The following PTPRN2 variants were observed in gnomAD, a reference collection of about 807,000 sequenced individuals.
PTPRN2 encodes the protein protein tyrosine phosphatase receptor type N2, also known as receptor-type tyrosine-protein phosphatase N2.
In PTPRN2, 74 loss-of-function variants were observed where a neutral mutation model predicts 118.8. The observed-to-expected ratio is 0.62, with a 90% CI of 0.52 to 0.76. PTPRN2 has a LOEUF of 0.76. PTPRN2 is among the 30% of genes least tolerant of loss of function. The pLI, the probability that PTPRN2 is intolerant of heterozygous loss-of-function variation, is 0.00. For missense variants in PTPRN2, 1,481 were observed against 1,394.4 expected (o/e 1.06, Z -0.99); for synonymous variants, 641 against 608.0 (o/e 1.05, Z -0.80).
chr7:158,524,882 G>T (rs964924741), intron 1 of PTPRN2, among the ~76,000 whole-genome samples: 1 of 152,166 alleles, frequency 6.6e-6, no homozygotes, highest in African/African-American at 2.4e-5. Flanking sequence ...TGGTTGGAAA[G>T]ATCCATGAAT....
At chr7:157,634,906 G>A (rs541279074) in intron 14 of PTPRN2, among the ~76,000 whole-genome samples, 6 of 152,318 alleles carry the variant, frequency 3.9e-5, no homozygotes, top group South Asian at 4.1e-4. Context: ...TGGACACCGC[G>A]TGTGGGAGGA....
At chr7:158,332,069 A>C (rs4909182) in intron 2 of PTPRN2, among the ~76,000 whole-genome samples, 1 of 145,524 alleles carries the variant, frequency 6.9e-6, no homozygotes, top group African/African-American at 2.7e-5. Flanking sequence ...TCTGCAGACG[A>C]CACTCACACC....
intron 16 of PTPRN2, among the ~76,000 whole-genome samples, chr7:157,601,035 T>A (rs1801640337): frequency 6.6e-6 from 1 of 152,212 alleles, no homozygotes; most frequent in South Asian, 2.1e-4. Flanking sequence ...GTTGTCCTGG[T>A]AATAAAGCTT....
chr7:158,059,105 G>C (rs186547490), intron 11 of PTPRN2, among the ~76,000 whole-genome samples: 15,992 of 102,238 alleles, frequency 0.16, 1,730 homozygotes, highest in Admixed American at 0.26. Flanking sequence ...CCCACAGTGA[G>C]ACACCACTGC....
At chr7:157,754,102 C>T (rs1563074493) in intron 12 of PTPRN2, among the ~76,000 whole-genome samples, 2 of 152,224 alleles carry the variant, frequency 1.3e-5, no homozygotes, top group Non-Finnish European at 2.9e-5. Flanking sequence ...GCTGCAACTC[C>T]GAGGAGTTGG....
intron 11 of PTPRN2, among the ~76,000 whole-genome samples, chr7:158,078,874 G>A (rs1812585954): frequency 6.6e-6 from 1 of 152,186 alleles, no homozygotes; most frequent in African/African-American, 2.4e-5. Context: ...GTGAGACAGG[G>A]TCTCCCTCTG....
At chr7:158,394,033 G>A (rs1474892746) in intron 2 of PTPRN2, among the ~76,000 whole-genome samples, 5 of 132,288 alleles carry the variant, frequency 3.8e-5, no homozygotes, top group Admixed American at 7.6e-5. Flanking sequence ...TGGACACCTC[G>A]CTCCCCCTCT....
At chr7:158,020,737 T>C (rs1351149969) in intron 11 of PTPRN2, among the ~76,000 whole-genome samples, 1 of 151,952 alleles carries the variant, frequency 6.6e-6, no homozygotes, top group Non-Finnish European at 1.5e-5. Flanking sequence ...ACGGAATAGG[T>C]AAGAAAGACA....
chr7:157,949,809 G>A (rs552817366), intron 11 of PTPRN2, among the ~76,000 whole-genome samples: 17 of 152,334 alleles, frequency 1.1e-4, no homozygotes, highest in African/African-American at 3.1e-4. Context: ...TGACTGGAGA[G>A]GGCCGAACAG....
At chr7:157,876,704 G>T (rs1272495500) in intron 12 of PTPRN2, among the ~76,000 whole-genome samples, 2 of 152,142 alleles carry the variant, frequency 1.3e-5, no homozygotes, top group Non-Finnish European at 2.9e-5. Flanking sequence ...AGGATGGGTC[G>T]GGGGCAGCGG....
chr7:158,171,159 TATAC>T (rs1301208360), intron 5 of PTPRN2, among the ~76,000 whole-genome samples: 2 of 143,672 alleles, frequency 1.4e-5, no homozygotes, highest in Non-Finnish European at 3.0e-5. Context: ...TACACATATA[TATAC>T]ACACATATAT....
At chr7:158,203,676 C>G (rs1446868429) in intron 4 of PTPRN2, among the ~76,000 whole-genome samples, 2 of 152,088 alleles carry the variant, frequency 1.3e-5, no homozygotes, top group African/African-American at 4.8e-5. Context: ...CCTTCTTGGC[C>G]GTCCAACCCA....
chr7:158,034,534 G>T (rs7384984), intron 11 of PTPRN2, among the ~76,000 whole-genome samples: 1 of 151,868 alleles, frequency 6.6e-6, no homozygotes, highest in Non-Finnish European at 1.5e-5. Flanking sequence ...GCTCCTCCTT[G>T]CCTTCCACCA....
At chr7:158,132,330 G>A (rs1250715119) in intron 9 of PTPRN2, among the ~76,000 whole-genome samples, 3 of 141,198 alleles carry the variant, frequency 2.1e-5, no homozygotes, top group Non-Finnish European at 3.1e-5. Context: ...ACACACACAT[G>A]CAAATAAGCA....
At chr7:157,935,206 G>A (rs910299406) in intron 11 of PTPRN2, among the ~76,000 whole-genome samples, 1 of 152,150 alleles carries the variant, frequency 6.6e-6, no homozygotes, top group African/African-American at 2.4e-5. Context: ...TAGGGTTGCT[G>A]GTTTTGAATA....
At chr7:158,504,783 C>T (rs1822623821) in intron 1 of PTPRN2, among the ~76,000 whole-genome samples, 1 of 152,218 alleles carries the variant, frequency 6.6e-6, no homozygotes, top group African/African-American at 2.4e-5. Flanking sequence ...AACCAATTCC[C>T]TCTTGAAGAA....
At chr7:157,864,938 A>C (rs1252165785) in intron 12 of PTPRN2, 2 of 152,224 alleles carry the variant, frequency 1.3e-5, no homozygotes, top group Admixed American at 1.3e-4. Flanking sequence ...ACAAGGGCTC[A>C]CAGCTGGCAG....
intron 22 of PTPRN2, among the ~76,000 whole-genome samples, chr7:157,543,981 AGAGAGAGGTG>A (rs1272292745): frequency 1.3e-5 from 2 of 151,290 alleles, no homozygotes; most frequent in African/African-American, 2.4e-5. Context: ...GGAGAGAGAC[AGAGAGAGGTG>A]GAGAGAGATG....
At chr7:158,224,169 A>G (rs1828579988) in intron 3 of PTPRN2, among the ~76,000 whole-genome samples, 1 of 152,226 alleles carries the variant, frequency 6.6e-6, no homozygotes, top group Non-Finnish European at 1.5e-5. Flanking sequence ...CATAATAATG[A>G]TGTCAACTCT....
Sources: gnomAD v4.1 joint callset for allele counts (sites outside exome capture counted in the v4.1 genomes callset) on GRCh38, gnomAD v4.1.1 for gene constraint, MANE v1.5 for transcripts, NCBI Gene and HGNC (gene_info 2026-07-23, HGNC 2026-07-21) for gene names.